CCDC57: variants seen among roughly 807,000 people sequenced by gnomAD.
CCDC57 encodes coiled-coil domain-containing protein 57.
Under a neutral mutation model 118.9 loss-of-function variants are expected in CCDC57, and 118 were observed. That is an observed-to-expected ratio of 0.99 (90% CI 0.86 to 1.16). CCDC57 has a LOEUF of 1.16. CCDC57 is among the 50% of genes most tolerant of loss of function. The pLI is 0.00. For missense variants in CCDC57, 1,300 were observed against 1,320.7 expected, an observed-to-expected ratio of 0.98 and a Z score of 0.24; for synonymous variants, 527 against 532.9, an observed-to-expected ratio of 0.99 and a Z score of 0.15.
intron 16 of CCDC57, among the ~76,000 whole-genome samples, chr17:82,148,122 G>T (rs1206699220): frequency 3.5e-5 from 4 of 115,914 alleles, no homozygotes; most frequent in Non-Finnish European, 7.2e-5. Flanking sequence ...TGGTTGGATG[G>T]TTAGATGGAT....
At chr17:82,151,251 G>A (rs202111879) in intron 16 of CCDC57, among the ~76,000 whole-genome samples, 1,224 of 36,856 alleles carry the variant, frequency 0.033, 1 homozygote, top group Middle Eastern at 0.093. Context: ...CCAGAACCTG[G>A]CACACACCCA....
At chr17:82,193,444 G>C (rs1198002677) in intron 7 of CCDC57, among the ~76,000 whole-genome samples, 1 of 152,082 alleles carries the variant, frequency 6.6e-6, no homozygotes, top group Non-Finnish European at 1.5e-5. Flanking sequence ...CTATTTGGGA[G>C]GCTGAGACAC....
intron 13 of CCDC57, among the ~76,000 whole-genome samples, chr17:82,166,589 T>G (rs182551452): frequency 1.3e-5 from 2 of 151,754 alleles, no homozygotes; most frequent in East Asian, 1.9e-4. Flanking sequence ...TATGGCAAAA[T>G]GAAAGTTCCA....
intron 13 of CCDC57, among the ~76,000 whole-genome samples, chr17:82,166,577 CTT>C (rs1274756504): frequency 2.0e-5 from 3 of 152,114 alleles, no homozygotes; most frequent in East Asian, 3.9e-4. Context: ...CACTCTAAAA[CTT>C]ATGGCAAAAT....
intron 19 of CCDC57, chr17:82,113,495 G>C: frequency 2.8e-6 from 2 of 717,596 alleles, no homozygotes; most frequent in Non-Finnish European, 2.6e-6. Context: ...CCCACTGCAA[G>C]GCTGCTGTGA....
chr17:82,102,552 G>GT lies in CCDC57; in HGVS notation c.2900-687dup, dbSNP rs1195454929. Among the ~76,000 whole-genome samples the GT allele has an allele frequency of 1.6e-4, 24 of 151,990 alleles. No individual in the cohort carries two copies. In the East Asian group the frequency reaches 3.3e-3, roughly 21 times the overall value. On this transcript the variant is annotated intron_variant, in intron 19 of 19. Coordinates refer to ENST00000665763, the Ensembl canonical transcript of CCDC57. ...CATTTTTTCAATTAAGAATGTGGGG[G>GT]TTTTTTTTGGTAAAACAACAGCAAA...
At chr17:82,134,465 C>A in intron 16 of CCDC57, 1 of 316,010 alleles carries the variant, frequency 3.2e-6, no homozygotes, top group Non-Finnish European at 5.7e-6. Flanking sequence ...CTAACAGAAG[C>A]ACCCAGACGC....
intron 19 of CCDC57, among the ~76,000 whole-genome samples, chr17:82,110,302 A>G (rs995548001): frequency 3.9e-5 from 6 of 152,146 alleles, no homozygotes; most frequent in Non-Finnish European, 7.3e-5. Flanking sequence ...TTTAAAAGGT[A>G]AGACTTCAGA....
chr17:82,104,585 C>T (rs1350213036), intron 19 of CCDC57, among the ~76,000 whole-genome samples: 1 of 152,222 alleles, frequency 6.6e-6, no homozygotes, highest in Non-Finnish European at 1.5e-5. Context: ...GTCGCCCAGG[C>T]TGGAGTGCAG....
At chr17:82,133,127 T>C (rs1439437490) in intron 17 of CCDC57, among the ~76,000 whole-genome samples, 3 of 152,130 alleles carry the variant, frequency 2.0e-5, no homozygotes, top group African/African-American at 7.2e-5. Flanking sequence ...TCCCAGTACT[T>C]TGAGAGGCCA....
intron 2 of CCDC57, among the ~76,000 whole-genome samples, chr17:82,203,168 G>A (rs2049197546): frequency 6.6e-6 from 1 of 152,134 alleles, no homozygotes; most frequent in Non-Finnish European, 1.5e-5. Context: ...CAAAGTGTGT[G>A]GTGACAATGA....
chr17:82,114,994 C>T lies in CCDC57; in HGVS notation c.2899+12698G>A, dbSNP rs369285285. The stretch of plus-strand genomic sequence containing the variant: ...ATGGCCTCAGAAGACCAAGCCCGCC[C>T]GCAGGGACACCACTGCCCCCACTCC... On this transcript the variant is annotated intron_variant, in intron 19 of 19. Transcript: ENST00000665763. Among the ~76,000 whole-genome samples, 27 of 152,358 alleles carry T rather than the reference C, an allele frequency of 1.8e-4. No individual in the cohort carries two copies. The East Asian group carries it at 1.9e-3, about 11-fold the overall frequency.
At chr17:82,120,030 C>T (rs1447996031) in intron 19 of CCDC57, among the ~76,000 whole-genome samples, 1 of 152,128 alleles carries the variant, frequency 6.6e-6, no homozygotes, top group Non-Finnish European at 1.5e-5. Flanking sequence ...GGGCCTATCC[C>T]AGGTCCAAGA....
intron 16 of CCDC57, among the ~76,000 whole-genome samples, chr17:82,146,190 C>T (rs1239905395): frequency 6.6e-6 from 1 of 152,168 alleles, no homozygotes; most frequent in African/African-American, 2.4e-5. Context: ...TGCTCAGCCC[C>T]CTGGCTGGAC....
chr17:82,116,338 G>A (rs1004707179), intron 19 of CCDC57, among the ~76,000 whole-genome samples: 1 of 151,822 alleles, frequency 6.6e-6, no homozygotes, highest in Non-Finnish European at 1.5e-5. Flanking sequence ...ACTCACCTCC[G>A]ACCCACCCAC....
intron 19 of CCDC57, among the ~76,000 whole-genome samples, chr17:82,122,157 C>T (rs919987435): frequency 3.9e-5 from 6 of 152,218 alleles, no homozygotes; most frequent in African/African-American, 1.2e-4. Flanking sequence ...CCTCCTACAC[C>T]GCTCCTTCCT....
chr17:82,113,759 C>T, intron 19 of CCDC57: 1 of 670,092 alleles, frequency 1.5e-6, no homozygotes, highest in Non-Finnish European at 2.7e-6. Flanking sequence ...ATAGTGAGAC[C>T]CCATTTCTAC....
At chr17:82,177,895 T>C (rs1249766677) in intron 11 of CCDC57, among the ~76,000 whole-genome samples, 6 of 152,194 alleles carry the variant, frequency 3.9e-5, no homozygotes, top group Non-Finnish European at 8.8e-5. Context: ...AGTCCTCCCG[T>C]GCTGGGCCCT....
intron 17 of CCDC57, among the ~76,000 whole-genome samples, chr17:82,129,402 C>G (rs997318413): frequency 5.3e-5 from 8 of 152,222 alleles, no homozygotes; most frequent in African/African-American, 1.9e-4. Context: ...GGGACCTGTA[C>G]AGAGCCATGG....
Sources: gnomAD v4.1 joint callset for allele counts (sites outside exome capture counted in the v4.1 genomes callset) on GRCh38, gnomAD v4.1.1 for gene constraint, MANE v1.5 for transcripts, NCBI Gene and HGNC (gene_info 2026-07-23, HGNC 2026-07-21) for gene names.